Variants in ADAMTS2 observed in about 807,000 individuals in gnomAD.
ADAMTS2 encodes the protein A disintegrin and metalloproteinase with thrombospondin motifs 2.
A neutral mutation model predicts 123.0 loss-of-function variants in ADAMTS2; 50 were observed. That is an observed-to-expected ratio of 0.41 (90% CI 0.32 to 0.51). ADAMTS2 has a LOEUF of 0.51. ADAMTS2 is among the 20% of genes least tolerant of loss of function. The pLI, the probability that ADAMTS2 is intolerant of heterozygous loss-of-function variation, is 0.35. For synonymous variants in ADAMTS2, 678 were observed against 695.4 expected (o/e 0.98, Z 0.39); for missense variants, 1,494 against 1,705.2 (o/e 0.88, Z 2.18).
At chr5:179,287,082 C>A (rs1020371597) in intron 2 of ADAMTS2, among the ~76,000 whole-genome samples, 4 of 152,188 alleles carry the variant, frequency 2.6e-5, no homozygotes, top group Non-Finnish European at 2.9e-5. Flanking sequence ...AGCCTCCAGG[C>A]GCCAAGTCCA....
chr5:179,125,506 T>C (rs1240084929), intron 18 of ADAMTS2, among the ~76,000 whole-genome samples: 1 of 152,186 alleles, frequency 6.6e-6, no homozygotes, highest in African/African-American at 2.4e-5. Context: ...TGGGCCCTGC[T>C]ACCTGGCCTC....
rs1757861087 is a variant in ADAMTS2, at chr5:179,344,016, C to G, written c.285G>C (p.Pro95=). 6.2e-7 allele frequency: 1 copy of G among 1,612,640 alleles called. No homozygotes were observed. ...CCTCCTCGTTGCCTCCGGGGAAGCT[C>G]GGGGTCCGGACCGGGGCGGCCCTGC... ...RARRAAPVRT[P]SFPGGNEEEP... The change falls in exon 2 of 22, where the codon CCG becomes CCC. Residue 95 remains proline, a synonymous_variant. Coordinates refer to ENST00000251582, the MANE Select transcript of ADAMTS2 (RefSeq NM_014244.5).
intron 5 of ADAMTS2, among the ~76,000 whole-genome samples, chr5:179,169,005 T>C (rs1274248060): frequency 6.6e-6 from 1 of 152,230 alleles, no homozygotes; most frequent in African/African-American, 2.4e-5. Flanking sequence ...AACAGGATTC[T>C]CAACTTGAGC....
At chr5:179,173,486 C>G (rs905870667) in intron 5 of ADAMTS2, among the ~76,000 whole-genome samples, 1 of 152,234 alleles carries the variant, frequency 6.6e-6, no homozygotes, top group Non-Finnish European at 1.5e-5. Flanking sequence ...AAACATGTTT[C>G]GAAAATGCAA....
At position 179,130,209 on chromosome 5, in the gene ADAMTS2, T is replaced by C; in HGVS notation, c.2291-111A>G. ...GGCAGCTAGCTGGACCCCTTGTCTC[T>C]CTGGCTGCCCCCGGCCAGTTTCCTC... is the stretch of plus-strand genomic sequence containing the variant. On this transcript the variant is annotated intron_variant, in intron 15 of 21. Transcript: ENST00000251582. This position sits in a 1 kb window ranked among gnomAD's most constrained non-coding sequence, Gnocchi z 4.3. 7.3e-7 allele frequency: 1 copy of C among 1,378,378 alleles called. No individual in the cohort carries two copies. The allele number at this position is 1,378,378 out of a possible 1,614,324, so 85.4% of individuals were successfully genotyped here.
rs1444114928 is a variant in ADAMTS2, at chr5:179,115,402, T to A, written c.3179-1078A>T. ...TCACTCAAGAAGAAAGAATAAGTCA[T>A]GTTACAGGAGATACTTGATCCAGTA... is the stretch of plus-strand genomic sequence containing the variant. On this transcript the variant is annotated intron_variant, in intron 21 of 21. Transcript: ENST00000251582. This position sits in a 1 kb window ranked among gnomAD's most constrained non-coding sequence, Gnocchi z 4.4. Among the ~76,000 whole-genome samples, 1 of 152,156 alleles carries A rather than the reference T, an allele frequency of 6.6e-6. No individual in the cohort carries two copies. Among genetic ancestry groups the A allele is most frequent in the Non-Finnish European group, 1.5e-5 (1 of 68,034 alleles).
chr5:179,292,557 A>T (rs551046301), intron 2 of ADAMTS2, among the ~76,000 whole-genome samples: 1 of 152,036 alleles, frequency 6.6e-6, no homozygotes, highest in African/African-American at 2.4e-5. Context: ...CTTGTTATAA[A>T]TTTTTTAATC....
intron 2 of ADAMTS2, among the ~76,000 whole-genome samples, chr5:179,331,270 G>A (rs1757468353): frequency 6.9e-6 from 1 of 144,936 alleles, no homozygotes; most frequent in Admixed American, 7.0e-5. Context: ...GAGGGGAGAG[G>A]ACATAAAGGG....
At chr5:179,336,718 C>T (rs1016565033) in intron 2 of ADAMTS2, among the ~76,000 whole-genome samples, 10 of 152,206 alleles carry the variant, frequency 6.6e-5, no homozygotes, top group Admixed American at 1.3e-4. Context: ...CACTGAAGTG[C>T]GTGCGGACAG....
intron 2 of ADAMTS2, among the ~76,000 whole-genome samples, chr5:179,274,591 T>TG (rs1179885980): frequency 7.2e-5 from 11 of 152,168 alleles, no homozygotes; most frequent in Admixed American, 1.3e-4. Context: ...ATCTTGGTTG[T>TG]GGGGGGGCAC....
chr5:179,345,441 A>T lies in ADAMTS2; in HGVS notation c.-113T>A. 5 of 857,006 alleles carry T rather than the reference A, an allele frequency of 5.8e-6. No individual in the cohort carries two copies. The highest frequency in any genetic ancestry group is 5.6e-6 in the Non-Finnish European group (4 of 719,332). The allele number at this position is 857,006 out of a possible 1,614,324, so 53.1% of individuals were successfully genotyped here. A position where few individuals can be genotyped will look rare whatever the true frequency, so the allele number is the denominator to read the frequency against. ...GAGCCGCCCGCAGCTGCAGCACCGC[A>T]GGGCGCGGGGCGGAGGAGGCGAGGC... On this transcript the variant is annotated 5_prime_UTR_variant, in exon 1 of 22. Transcript: ENST00000251582. This position sits in a 1 kb window ranked among gnomAD's most constrained non-coding sequence, Gnocchi z 7.5.
chr5:179,234,023 C>CCT lies in ADAMTS2; in HGVS notation c.689-26309_689-26308insAG, dbSNP rs1275277553. Among the ~76,000 whole-genome samples the CCT allele has an allele frequency of 1.3e-5, 2 of 152,276 alleles. No homozygotes were observed. Among genetic ancestry groups the CCT allele is most frequent in the Admixed American group, 1.3e-4 (2 of 15,304 alleles). ...AAACACCTGGTCACAATGGTTAAGA[C>CCT]CCTCCTGTGTCCAGGACCCCGACTG... On this transcript the variant is annotated intron_variant, in intron 3 of 21. Transcript: ENST00000251582. The surrounding 1 kb of genome is among the most constrained non-coding windows in gnomAD (Gnocchi z 4.7).
rs75493916 is a variant in ADAMTS2, at chr5:179,311,987, G to T, written c.534+31780C>A. On this transcript the variant is annotated intron_variant, in intron 2 of 21. Coordinates refer to ENST00000251582, the MANE Select transcript of ADAMTS2 (RefSeq NM_014244.5). ...GTAGAAATGACAGCAGTGGGGAGGAGGGAGAAGGGGCATGGGAACCCTGTG... is the reference window on the plus strand; with the variant it reads ...GTAGAAATGACAGCAGTGGGGAGGATGGAGAAGGGGCATGGGAACCCTGTG... Among the ~76,000 whole-genome samples the T allele has an allele frequency of 9.2e-3, 1,403 of 152,308 alleles. 42 individuals are homozygous for T. In the East Asian group the frequency reaches 0.13, roughly 14 times the overall value.
chr5:179,321,266 G>A (rs921986786), intron 2 of ADAMTS2, among the ~76,000 whole-genome samples: 9 of 152,018 alleles, frequency 5.9e-5, no homozygotes, highest in African/African-American at 9.7e-5. Flanking sequence ...CTACACAAGC[G>A]CACACGTAAA....
intron 7 of ADAMTS2, 95 bp downstream of exon 7, chr5:179,154,719 C>A: frequency 1.9e-6 from 2 of 1,038,862 alleles, no homozygotes; most frequent in Non-Finnish European, 2.9e-6. Context: ...TGACACAGGG[C>A]GTGTCCCTCT....
At chr5:179,267,048 C>T (rs893687800) in intron 3 of ADAMTS2, among the ~76,000 whole-genome samples, 4 of 152,132 alleles carry the variant, frequency 2.6e-5, no homozygotes, top group Non-Finnish European at 5.9e-5. Context: ...TGGAGGCTGC[C>T]CCACAGCTCT....
At chr5:179,214,563 T>C (rs1377562280) in intron 3 of ADAMTS2, among the ~76,000 whole-genome samples, 1 of 151,354 alleles carries the variant, frequency 6.6e-6, no homozygotes, top group Non-Finnish European at 1.5e-5. Context: ...TTCTTGAACA[T>C]AGGAATAACC....
intron 15 of ADAMTS2, among the ~76,000 whole-genome samples, chr5:179,131,319 A>AAAAAAAAAAAAAG: frequency 6.6e-6 from 1 of 151,202 alleles, no homozygotes; most frequent in Non-Finnish European, 1.5e-5. Flanking sequence ...AAAAAAAAAA[A>AAAAAAAAAAAAAG]AAAAAAAAAA....
intron 5 of ADAMTS2, among the ~76,000 whole-genome samples, chr5:179,169,849 A>G (rs2113289646): frequency 6.6e-6 from 1 of 152,358 alleles, no homozygotes; most frequent in East Asian, 1.9e-4. Flanking sequence ...AAATTCCAGC[A>G]AGCATTCCAC....
Sources: allele counts gnomAD v4.1 joint callset (sites outside exome capture counted in the v4.1 genomes callset), GRCh38; gene constraint gnomAD v4.1.1; non-coding constraint Gnocchi (gnomAD v3.1); transcripts MANE v1.5; gene names NCBI Gene and HGNC (gene_info 2026-07-23, HGNC 2026-07-21).